SNX25: variants seen among roughly 807,000 people sequenced by gnomAD.
SNX25 encodes the protein sorting nexin 25.
A neutral mutation model predicts 113.7 loss-of-function variants in SNX25; 62 were observed. The ratio of observed to expected loss-of-function variants is 0.55; its 90% CI spans 0.44 to 0.67. The LOEUF (loss-of-function observed/expected upper bound fraction) is 0.67. Ranked by LOEUF, SNX25 falls within the 30% of genes least tolerant of loss-of-function variation. The pLI is 0.00. For synonymous variants in SNX25, 421 were observed against 436.2 expected (o/e 0.97, Z 0.43); for missense variants, 1,014 against 1,161.0 (o/e 0.87, Z 1.84).
intron 2 of SNX25, among the ~76,000 whole-genome samples, chr4:185,251,307 T>A (rs1745604401): frequency 6.6e-6 from 1 of 152,230 alleles, no homozygotes; most frequent in African/African-American, 2.4e-5. Flanking sequence ...AGTTCAGTAA[T>A]GTTAAGTACA....
chr4:185,256,964 C>T (rs1746533507), intron 2 of SNX25, among the ~76,000 whole-genome samples: 1 of 151,742 alleles, frequency 6.6e-6, no homozygotes, highest in South Asian at 2.1e-4. Flanking sequence ...GTGTAGTGGC[C>T]AAGATGTATA....
At chr4:185,277,076 G>A (rs911449780) in intron 5 of SNX25, among the ~76,000 whole-genome samples, 2 of 152,160 alleles carry the variant, frequency 1.3e-5, no homozygotes, top group Non-Finnish European at 2.9e-5. Context: ...CCAGGCTGGA[G>A]TGCAGTGGCA....
At chr4:185,206,789 G>A (rs1370690907), upstream of SNX25, among the ~76,000 whole-genome samples, 6 of 152,122 alleles carry the variant, frequency 3.9e-5, no homozygotes, top group Non-Finnish European at 5.9e-5. Context: ...GATTATGGAG[G>A]CTGAGAACTC....
chr4:185,293,084 C>A (rs1752400134), intron 6 of SNX25, among the ~76,000 whole-genome samples: 1 of 152,108 alleles, frequency 6.6e-6, no homozygotes, highest in Non-Finnish European at 1.5e-5. Context: ...AGAGCAATAA[C>A]CCAGTTGAAA....
rs149353704 is a variant in SNX25, at chr4:185,227,677, G to C, written c.429+17422G>C. ...GGTTAAATGTGTACAGGTGCCCTTT[G>C]TGCAGGTTTGGGACGGTGGGATTTA... On this transcript the variant is annotated intron_variant, in intron 1 of 18. Transcript: ENST00000652585. 3.3e-5 allele frequency among the ~76,000 whole-genome samples: 5 copies of C among 152,180 alleles called. No individual in the cohort carries two copies. In the East Asian group the frequency reaches 9.6e-4, roughly 29 times the overall value.
intron 1 of SNX25, among the ~76,000 whole-genome samples, chr4:185,239,763 A>ATTTTTTTTTT (rs200021607): frequency 8.2e-6 from 1 of 122,460 alleles, no homozygotes. Context: ...AATAAGGTGT[A>ATTTTTTTTTT]TTTTTTTTTT....
the SNX25 span, chr4:185,377,289 C>T: frequency 8.9e-6 from 3 of 336,042 alleles, 1 homozygote; most frequent in Admixed American, 7.9e-5. Flanking sequence ...GAGGCCGAGG[C>T]GGGTGGATCA....
At chr4:185,241,520 G>GGGAGAC (rs1281075703) in intron 1 of SNX25, among the ~76,000 whole-genome samples, 4 of 56,548 alleles carry the variant, frequency 7.1e-5, no homozygotes, top group African/African-American at 1.7e-4. Context: ...GAGAGGGAGA[G>GGGAGAC]GGAGAGGAGG....
chr4:185,357,600 T>C (rs2126753406), intron 15 of SNX25, 71 bp from the exon 16 acceptor site: 1 of 1,201,280 alleles, frequency 8.3e-7, no homozygotes, highest in Non-Finnish European at 1.2e-6. Flanking sequence ...ATTTATGCTT[T>C]GTACAGCTAT....
chr4:185,287,895 G>A (rs995180265), intron 5 of SNX25, 117 bp from the exon 6 acceptor site: 45 of 815,444 alleles, frequency 5.5e-5, no homozygotes, highest in Middle Eastern at 7.3e-4. Context: ...TGGAGCCTTG[G>A]GCAGGATTCA....
At chr4:185,233,585 T>C (rs537790390) in intron 1 of SNX25, among the ~76,000 whole-genome samples, 27 of 152,330 alleles carry the variant, frequency 1.8e-4, no homozygotes, top group Non-Finnish European at 3.5e-4. Context: ...CTAAGCCAGT[T>C]TGCTTTTCTT....
intron 6 of SNX25, among the ~76,000 whole-genome samples, chr4:185,298,067 C>T (rs138634486): frequency 7.0e-4 from 106 of 150,426 alleles, no homozygotes; most frequent in South Asian, 2.5e-3. Flanking sequence ...TACCACCAGT[C>T]GCCCTCTTAA....
At chr4:185,244,377 A>G (rs1744530903) in intron 1 of SNX25, among the ~76,000 whole-genome samples, 1 of 152,222 alleles carries the variant, frequency 6.6e-6, no homozygotes, top group Admixed American at 6.5e-5. Flanking sequence ...AGCATTGAGA[A>G]GTTGTGATTA....
At chr4:185,217,813 G>A (rs1739114384) in intron 1 of SNX25, among the ~76,000 whole-genome samples, 1 of 152,206 alleles carries the variant, frequency 6.6e-6, no homozygotes, top group African/African-American at 2.4e-5. Flanking sequence ...CACAGAAAAT[G>A]CACAGTGTCT....
chr4:185,237,641 C>T (rs954478169), intron 1 of SNX25, among the ~76,000 whole-genome samples: 6 of 152,068 alleles, frequency 3.9e-5, no homozygotes, highest in African/African-American at 1.4e-4. Context: ...TAGACGCCCA[C>T]GGCTTGAACA....
intron 5 of SNX25, among the ~76,000 whole-genome samples, chr4:185,267,431 A>G (rs1748275094): frequency 6.6e-6 from 1 of 152,090 alleles, no homozygotes; most frequent in Non-Finnish European, 1.5e-5. Context: ...AAAATCACAT[A>G]TAACATTTGA....
downstream of SNX25, chr4:185,373,081 TAAGAA>T: frequency 6.2e-7 from 1 of 1,603,176 alleles, no homozygotes; most frequent in Non-Finnish European, 8.5e-7. Context: ...GTAAAATGCC[TAAGAA>T]AAGCACAGTT....
intron 7 of SNX25, among the ~76,000 whole-genome samples, chr4:185,312,663 C>T (rs1198757929): frequency 1.5e-5 from 2 of 135,426 alleles, no homozygotes; most frequent in African/African-American, 2.8e-5. Flanking sequence ...GCTGGGACTA[C>T]AGACGCCCGC....
intron 1 of SNX25, among the ~76,000 whole-genome samples, chr4:185,224,384 A>G (rs2126368703): frequency 6.9e-6 from 1 of 145,482 alleles, no homozygotes; most frequent in Non-Finnish European, 1.5e-5. Flanking sequence ...TATAGATATA[A>G]ATATATAAAT....
Sources: gnomAD v4.1 joint callset for allele counts (sites outside exome capture counted in the v4.1 genomes callset) on GRCh38, gnomAD v4.1.1 for gene constraint, MANE v1.5 for transcripts, NCBI Gene and HGNC (gene_info 2026-07-23, HGNC 2026-07-21) for gene names.